Variants in TTC23 observed in about 807,000 individuals in gnomAD.
TTC23 encodes tetratricopeptide repeat domain 23.
In TTC23, 58 loss-of-function variants were observed where a neutral mutation model predicts 55.1. That is an observed-to-expected ratio of 1.05 (90% CI 0.85 to 1.31). The LOEUF is 1.31. Ranked by LOEUF, TTC23 falls within the 50% of genes most tolerant of loss-of-function variation. TTC23 has a pLI of 0.00. For missense variants in TTC23, 516 were observed against 534.4 expected (o/e 0.97, Z 0.34); for synonymous variants, 203 against 199.9 (o/e 1.02, Z -0.13).
At chr15:99,192,082 G>C (rs144360700) in intron 9 of TTC23, among the ~76,000 whole-genome samples, 2,113 of 152,298 alleles carry the variant, frequency 0.014, 15 homozygotes, top group Non-Finnish European at 0.023. Flanking sequence ...AGGGTATCTG[G>C]TGGAAGAAAT....
chr15:99,146,183 T>A (rs1264498884), intron 12 of TTC23, among the ~76,000 whole-genome samples: 1 of 152,244 alleles, frequency 6.6e-6, no homozygotes, highest in East Asian at 1.9e-4. Context: ...CAGGACTTGC[T>A]ATTGAGAGAA....
intron 9 of TTC23, among the ~76,000 whole-genome samples, chr15:99,197,106 T>A (rs1469599213): frequency 8.5e-6 from 1 of 117,964 alleles, no homozygotes; most frequent in Admixed American, 9.1e-5. Context: ...TTTCTGTTCT[T>A]TTTTTTTTTT....
chr15:99,164,855 G>C (rs1010764505), intron 10 of TTC23, among the ~76,000 whole-genome samples: 4 of 152,190 alleles, frequency 2.6e-5, no homozygotes, highest in Non-Finnish European at 1.5e-5. Flanking sequence ...CCTGTAAAGT[G>C]TGCTGCTTCT....
intron 4 of TTC23, among the ~76,000 whole-genome samples, chr15:99,230,958 C>A (rs192076254): frequency 9.8e-5 from 15 of 152,308 alleles, no homozygotes; most frequent in African/African-American, 3.6e-4. Flanking sequence ...TTCCATATTA[C>A]AATCATGTCC....
In TTC23 at chr15:99,156,174, TG is replaced by T; in HGVS notation, c.1116del (p.His372GlnfsTer8). The T allele has an allele frequency of 6.2e-7, 1 of 1,614,210 alleles. No individual in the cohort carries two copies. Among genetic ancestry groups the T allele is most frequent in the Non-Finnish European group, 8.5e-7 (1 of 1,180,034 alleles). ...LGGADLAQGN[H>X]SGARKKLKKC... Reference sequence around the variant, plus strand: ...TTCTTCAGTTTCTTGCGGGCCCCACTGTGGTTCCCCTGCGCCAGGTCTGCTC... The same window carrying T: ...TTCTTCAGTTTCTTGCGGGCCCCACTTGGTTCCCCTGCGCCAGGTCTGCTC... On this transcript the variant is annotated frameshift_variant, in exon 12 of 14. Transcript: ENST00000394132. LOFTEE classifies it high-confidence loss of function.
chr15:99,187,478 A>AAAAAAAAAAAAAAAAAAAG (rs55638903), intron 9 of TTC23, among the ~76,000 whole-genome samples: 2 of 149,424 alleles, frequency 1.3e-5, no homozygotes, highest in African/African-American at 4.9e-5. Flanking sequence ...ACAAAACAAA[A>AAAAAAAAAAAAAAAAAAAG]GAAACCCAAC....
At chr15:99,180,590 G>A (rs1239235464) in intron 9 of TTC23, among the ~76,000 whole-genome samples, 3 of 152,186 alleles carry the variant, frequency 2.0e-5, no homozygotes, top group African/African-American at 7.2e-5. Flanking sequence ...CTAGTGAAAA[G>A]GATGAGAGAC....
At chr15:99,156,090 T>C (rs2070509353) in intron 12 of TTC23, 58 bp downstream of exon 12, 3 of 1,607,748 alleles carry the variant, frequency 1.9e-6, no homozygotes, top group Non-Finnish European at 2.6e-6. Context: ...GGAGAGAAAT[T>C]GACCTTGGAG....
At chr15:99,145,338 T>TA (rs1381148563) in intron 12 of TTC23, 18 of 152,184 alleles carry the variant, frequency 1.2e-4, no homozygotes, top group Admixed American at 9.2e-4. Flanking sequence ...AAGATATTTT[T>TA]AAAATACATA....
intron 12 of TTC23, chr15:99,155,803 A>C (rs2070458080): frequency 5.9e-6 from 2 of 338,382 alleles, no homozygotes; most frequent in Non-Finnish European, 1.1e-5. Flanking sequence ...CTCCAAATTT[A>C]AAGAAGAATG....
intron 3 of TTC23, among the ~76,000 whole-genome samples, chr15:99,236,939 G>C (rs1288814254): frequency 6.7e-6 from 1 of 149,534 alleles, no homozygotes; most frequent in Non-Finnish European, 1.5e-5. Flanking sequence ...TTCTTACTAA[G>C]TTAAACATAC....
chr15:99,236,215 ATT>A (rs946359006), intron 3 of TTC23, among the ~76,000 whole-genome samples: 8 of 152,140 alleles, frequency 5.3e-5, no homozygotes, highest in Non-Finnish European at 2.9e-5. Context: ...GAAACATCGT[ATT>A]GTTTTCCACA....
intron 12 of TTC23, among the ~76,000 whole-genome samples, chr15:99,148,318 G>C (rs1303725196): frequency 8.5e-6 from 1 of 117,680 alleles, no homozygotes; most frequent in East Asian, 2.9e-4. Flanking sequence ...CCGAGATCGC[G>C]ACACTGCACT....
chr15:99,238,068 C>T (rs1317858538), intron 3 of TTC23, among the ~76,000 whole-genome samples: 3 of 152,150 alleles, frequency 2.0e-5, no homozygotes, highest in Admixed American at 6.5e-5. Context: ...CAGGTTCAAG[C>T]GATTCTCCTG....
chr15:99,218,805 C>T, intron 7 of TTC23, 92 bp from the exon 8 acceptor site: 1 of 1,597,872 alleles, frequency 6.3e-7, no homozygotes, highest in Non-Finnish European at 8.5e-7. Context: ...AATCACACTT[C>T]CTAAGTCATC....
intron 12 of TTC23, chr15:99,155,217 A>C (rs1555498595): frequency 6.6e-6 from 1 of 152,218 alleles, no homozygotes; most frequent in African/African-American, 2.4e-5. Flanking sequence ...ACGAAGATCA[A>C]ATGGTTAGAA....
At chr15:99,245,781 A>G (rs1414977003) in intron 1 of TTC23, among the ~76,000 whole-genome samples, 3 of 151,914 alleles carry the variant, frequency 2.0e-5, no homozygotes, top group South Asian at 4.1e-4. Context: ...AGGTAAAACT[A>G]TAAAACTCTT....
chr15:99,226,173 C>A (rs1016048516), intron 5 of TTC23, among the ~76,000 whole-genome samples: 1 of 152,150 alleles, frequency 6.6e-6, no homozygotes, highest in Non-Finnish European at 1.5e-5. Context: ...ACAGACTGAA[C>A]CATGGGTCTG....
intron 5 of TTC23, among the ~76,000 whole-genome samples, chr15:99,226,702 T>C (rs1295655168): frequency 2.0e-5 from 3 of 152,122 alleles, no homozygotes; most frequent in Non-Finnish European, 4.4e-5. Context: ...GTGTGCTGTT[T>C]CCTCTCCCTG....
Sources: gnomAD v4.1 joint callset for allele counts (sites outside exome capture counted in the v4.1 genomes callset) on GRCh38, gnomAD v4.1.1 for gene constraint, MANE v1.5 for transcripts, NCBI Gene and HGNC (gene_info 2026-07-23, HGNC 2026-07-21) for gene names.